NDUFB8: variants seen among roughly 807,000 people sequenced by gnomAD.
The protein encoded by NDUFB8 is NADH dehydrogenase [ubiquinone] 1 beta subcomplex subunit 8, mitochondrial.
A neutral mutation model predicts 26.0 loss-of-function variants in NDUFB8; 17 were observed. The observed-to-expected ratio is 0.65, with a 90% CI of 0.45 to 0.98. The LOEUF is 0.98. NDUFB8 is among the 50% of genes least tolerant of loss of function. The pLI is 0.00. For missense variants in NDUFB8, 238 were observed against 255.0 expected, an observed-to-expected ratio of 0.93 and a Z score of 0.45; for synonymous variants, 89 against 93.1, an observed-to-expected ratio of 0.96 and a Z score of 0.25.
intron 4 of NDUFB8, chr10:100,526,025 C>T (rs1384047031): frequency 5.6e-6 from 1 of 178,430 alleles, no homozygotes; most frequent in East Asian, 1.7e-4. Context: ...AGGACGTGCC[C>T]TTCACAAGTC....
In NDUFB8 at chr10:100,529,696, A is replaced by AT; in HGVS notation, c.85+70dup. The stretch of plus-strand genomic sequence containing the variant: ...GGAGGCTGCCGCCGCGGCATCTACG[A>AT]TCCCCCCTCCCGATACACCAAATTT... On this transcript the variant is annotated intron_variant, in intron 1 of 4. Coordinates refer to ENST00000299166, the MANE Select transcript of NDUFB8 (RefSeq NM_005004.4). 5 of 1,544,624 alleles carry AT rather than the reference A, an allele frequency of 3.2e-6. No individual in the cohort carries two copies. The South Asian group carries it at 3.4e-5, about 11-fold the overall frequency.
In NDUFB8 at chr10:100,524,105, AG is replaced by A. The variant is rs779240345; in HGVS notation, c.469-177del. On this transcript the variant is annotated intron_variant, in intron 4 of 4. Transcript: ENST00000299166. The surrounding 1 kb of genome is among the most constrained non-coding windows in gnomAD (Gnocchi z 4.0). ...CTTCCTCACTCAGCCCAAGGCAGAGAGAAAGCCTAAATTGTAAGAGAAGTGG... is the reference window on the plus strand; with the variant it reads ...CTTCCTCACTCAGCCCAAGGCAGAGAAAAGCCTAAATTGTAAGAGAAGTGG... 1 of 1,578,416 alleles carries A rather than the reference AG, an allele frequency of 6.3e-7. No individual in the cohort carries two copies. Among genetic ancestry groups the A allele is most frequent in the Non-Finnish European group, 8.6e-7 (1 of 1,162,136 alleles).
intron 2 of NDUFB8, among the ~76,000 whole-genome samples, chr10:100,528,021 C>T (rs11190591): frequency 0.24 from 36,289 of 152,064 alleles, 4,572 homozygotes; most frequent in African/African-American, 0.31. Flanking sequence ...GGTTTCGCCA[C>T]GTTAGCCAGG....
At position 100,524,174 on chromosome 10, in the gene NDUFB8, G is replaced by A; in HGVS notation, c.469-245C>T. 1 of 1,536,068 alleles carries A rather than the reference G, an allele frequency of 6.5e-7. No individual in the cohort carries two copies. The highest frequency in any genetic ancestry group is 1.2e-5 in the South Asian group (1 of 84,632). On this transcript the variant is annotated intron_variant, in intron 4 of 4. Transcript: ENST00000299166. The surrounding 1 kb of genome is among the most constrained non-coding windows in gnomAD (Gnocchi z 4.0). Reference sequence around the variant, plus strand: ...AGAAGGAGAAAGGGGGAGGGAAGGGGGTTAGGGAAAGGAGGGGAAGGGAGG... The same window carrying A: ...AGAAGGAGAAAGGGGGAGGGAAGGGAGTTAGGGAAAGGAGGGGAAGGGAGG...
chr10:100,529,405 C>G lies in NDUFB8; in HGVS notation c.187G>C (p.Glu63Gln). 1 of 1,612,552 alleles carries G rather than the reference C, an allele frequency of 6.2e-7. No homozygotes were observed. Among genetic ancestry groups the G allele is most frequent in the Admixed American group, 1.7e-5 (1 of 59,528 alleles). ...CCCATGCCATCATCCGGGTAAGGTT[C>G]GTAGTCTTCCACACGCATATTATAC... ...KKYNMRVEDY[E>Q]PYPDDGMGYG... The change falls in exon 2 of 5, where the codon GAA (glutamate) becomes CAA (glutamine). Residue 63 changes from glutamate (E) to glutamine (Q), a missense_variant. Transcript: ENST00000299166.
At chr10:100,525,717 CGTGT>C (rs71013460) in intron 4 of NDUFB8, among the ~76,000 whole-genome samples, 8,599 of 45,864 alleles carry the variant, frequency 0.19, 2,306 homozygotes, top group Middle Eastern at 0.25. Flanking sequence ...TAAGCACATA[CGTGT>C]GTGTGTGTGT....
At chr10:100,528,151 C>T (rs1402084607) in intron 2 of NDUFB8, among the ~76,000 whole-genome samples, 2 of 152,164 alleles carry the variant, frequency 1.3e-5, no homozygotes, top group Non-Finnish European at 2.9e-5. Context: ...CTTTTATGTA[C>T]CTTTTCTATG....
Position 100,529,544 on chromosome 10 carries a change from C to T in NDUFB8, c.86-38G>A, listed in dbSNP as rs751529156. 1.9e-6 allele frequency: 3 copies of T among 1,602,424 alleles called. No homozygotes were observed. The South Asian group carries it at 3.3e-5, about 18-fold the overall frequency. On this transcript the variant is annotated intron_variant, in intron 1 of 4. Coordinates refer to ENST00000299166, the MANE Select transcript of NDUFB8 (RefSeq NM_005004.4). ...AGAGAACAGGTCAGAAGCGAGCCCG[C>T]TCTCCAGCCGCTCCGAAGGCTTCAA...
At chr10:100,526,598 C>A in intron 3 of NDUFB8, 44 bp from the exon 4 acceptor site, 2 of 1,609,470 alleles carry the variant, frequency 1.2e-6, no homozygotes, top group East Asian at 2.2e-5. Flanking sequence ...ACTCTTCCTG[C>A]AAAATGCAGG....
At chr10:100,529,540 C>G in intron 1 of NDUFB8, 34 bp from the exon 2 acceptor site, 3 of 1,603,538 alleles carry the variant, frequency 1.9e-6, no homozygotes, top group Non-Finnish European at 2.5e-6. Flanking sequence ...CAGAAGCGAG[C>G]CCGCTCTCCA....
In NDUFB8 at chr10:100,527,016, T is replaced by C. The variant is rs1414529540; in HGVS notation, c.271A>G (p.Ser91Gly). The change falls in exon 3 of 5, where the codon AGC (serine) becomes GGC (glycine). Residue 91 changes from serine to glycine, a missense_variant. Transcript: ENST00000299166. Reference sequence around the variant, plus strand: ...AACCTCAGGCCCGGCTGGTCCCAGCTATACCATGGATCTCTCTCATGCTGT... The same window carrying C: ...AACCTCAGGCCCGGCTGGTCCCAGCCATACCATGGATCTCTCTCATGCTGT... ...RSQHERDPWYSWDQPGLRLNW... is the reference protein window; with the variant it reads ...RSQHERDPWYGWDQPGLRLNW... 3 of 1,614,068 alleles carry C rather than the reference T, an allele frequency of 1.9e-6. No homozygotes were observed. The highest frequency in any genetic ancestry group is 2.5e-6 in the Non-Finnish European group (3 of 1,180,026).
At chr10:100,529,586 A>C in intron 1 of NDUFB8, 80 bp from the exon 2 acceptor site, 1 of 1,589,668 alleles carries the variant, frequency 6.3e-7, no homozygotes, top group Admixed American at 1.9e-5. Context: ...GGGGCTGCAG[A>C]GGTCCGAGCC....
At chr10:100,527,907 C>A (rs1347763925) in intron 2 of NDUFB8, among the ~76,000 whole-genome samples, 1 of 152,204 alleles carries the variant, frequency 6.6e-6, no homozygotes, top group African/African-American at 2.4e-5. Context: ...GCAACCTCCA[C>A]CTCCCGGGTT....
intron 2 of NDUFB8, chr10:100,529,116 T>C (rs567619166): frequency 1.2e-4 from 35 of 304,102 alleles, no homozygotes; most frequent in Non-Finnish European, 2.1e-4. Flanking sequence ...AGGCTCCTGC[T>C]ATTCGGGGGT....
rs1337083252 is a variant in NDUFB8 at position 100,524,530 on chromosome 10, G to A, written c.469-601C>T. Reference sequence around the variant, plus strand: ...GCTTACAGAACTGAAAAATGGAAGAGCCACACTGTTCCTTGCTCTCCTGAA... The same window carrying A: ...GCTTACAGAACTGAAAAATGGAAGAACCACACTGTTCCTTGCTCTCCTGAA... On this transcript the variant is annotated intron_variant, in intron 4 of 4. Coordinates refer to ENST00000299166, the MANE Select transcript of NDUFB8 (RefSeq NM_005004.4). This position sits in a 1 kb window ranked among gnomAD's most constrained non-coding sequence, Gnocchi z 4.0. 6.6e-6 allele frequency among the ~76,000 whole-genome samples: 1 copy of A among 152,190 alleles called. No individual in the cohort carries two copies. Among genetic ancestry groups the A allele is most frequent in the Non-Finnish European group, 1.5e-5 (1 of 68,034 alleles).
At chr10:100,523,955 A>G in intron 4 of NDUFB8, 26 bp from the exon 5 acceptor site, 1 of 1,614,076 alleles carries the variant, frequency 6.2e-7, no homozygotes, top group Non-Finnish European at 8.5e-7. Context: ...CAGGTCAGCA[A>G]GAACATACAT....
At chr10:100,529,727 A>AC in intron 1 of NDUFB8, 40 bp downstream of exon 1, 1 of 1,588,114 alleles carries the variant, frequency 6.3e-7, no homozygotes, top group Non-Finnish European at 8.6e-7. Context: ...AATTTCAGGT[A>AC]CCCCCTTCCC....
chr10:100,525,611 A>C (rs972222420), intron 4 of NDUFB8, among the ~76,000 whole-genome samples: 1 of 129,896 alleles, frequency 7.7e-6, no homozygotes. Context: ...CCCACCACCC[A>C]AAGCGTGTGT....
In NDUFB8 at chr10:100,529,828, G is replaced by A. The variant is rs1323742319; in HGVS notation, c.24C>T (p.Val8=). The A allele has an allele frequency of 1.9e-6, 3 of 1,607,482 alleles. 1 individual carries two copies. Among genetic ancestry groups the A allele is most frequent in the South Asian group, 2.2e-5 (2 of 90,100 alleles). The change falls in exon 1 of 5, where the codon GTC becomes GTT. Residue 8 remains valine, a synonymous_variant. Coordinates refer to ENST00000299166, the MANE Select transcript of NDUFB8 (RefSeq NM_005004.4). MAVARAG[V]LGVQWLQRAS... The stretch of plus-strand genomic sequence containing the variant: ...CCCTTTGCAGCCACTGGACTCCCAA[G>A]ACCCCGGCCCTGGCCACCGCCATCT...
Sources: gnomAD v4.1 joint callset for allele counts (sites outside exome capture counted in the v4.1 genomes callset) on GRCh38, gnomAD v4.1.1 for gene constraint, Gnocchi (gnomAD v3.1) non-coding constraint, MANE v1.5 for transcripts, NCBI Gene and HGNC (gene_info 2026-07-23, HGNC 2026-07-21) for gene names.